Variants in SAMTOR observed in about 807,000 individuals in gnomAD.
SAMTOR encodes UPF0532 protein C7orf60.
chr7:112,912,903 A>G, the SAMTOR span, among the ~76,000 whole-genome samples: 2 of 152,182 alleles, frequency 1.3e-5, no homozygotes, highest in Non-Finnish European at 1.5e-5. Flanking sequence ...CAATAAGAAT[A>G]CTACCTATCA....
the SAMTOR span, among the ~76,000 whole-genome samples, chr7:112,921,429 C>T: frequency 6.6e-6 from 1 of 151,332 alleles, no homozygotes; most frequent in Non-Finnish European, 1.5e-5. Context: ...TTCCTTACAC[C>T]TTATACAAAA....
chr7:112,895,605 G>A, the SAMTOR span: 4 of 1,577,792 alleles, frequency 2.5e-6, no homozygotes, highest in Non-Finnish European at 3.5e-6. Flanking sequence ...GCTGAGGTTG[G>A]TTAAATGACC....
the SAMTOR span, among the ~76,000 whole-genome samples, chr7:112,853,577 T>A: frequency 1.3e-5 from 2 of 152,124 alleles, no homozygotes; most frequent in Non-Finnish European, 2.9e-5. Context: ...CTAAGTAAGC[T>A]TTTTTTGCTT....
the SAMTOR span, among the ~76,000 whole-genome samples, chr7:112,925,428 A>T: frequency 6.6e-6 from 1 of 152,208 alleles, no homozygotes; most frequent in Non-Finnish European, 1.5e-5. Flanking sequence ...CTATGATAAC[A>T]TATACCTGGG....
the SAMTOR span, among the ~76,000 whole-genome samples, chr7:112,884,285 T>G: frequency 6.6e-6 from 1 of 152,162 alleles, no homozygotes; most frequent in African/African-American, 2.4e-5. Context: ...CCAAATGTCA[T>G]GTCCTCACAT....
the SAMTOR span, among the ~76,000 whole-genome samples, chr7:112,834,858 A>T: frequency 3.3e-5 from 5 of 152,214 alleles, no homozygotes; most frequent in East Asian, 9.6e-4. Flanking sequence ...ATCATCTCAC[A>T]TCATAAGGGT....
At chr7:112,857,079 CTTTT>C in the SAMTOR span, among the ~76,000 whole-genome samples, 1 of 105,782 alleles carries the variant, frequency 9.5e-6, no homozygotes, top group Non-Finnish European at 1.8e-5. Flanking sequence ...TTCTTTTAAT[CTTTT>C]TTTTTTTTTT....
the SAMTOR span, among the ~76,000 whole-genome samples, chr7:112,888,641 T>C: frequency 6.6e-6 from 1 of 152,178 alleles, no homozygotes; most frequent in East Asian, 1.9e-4. Flanking sequence ...TGCAAAAAAG[T>C]ATATCTTTAC....
the SAMTOR span, among the ~76,000 whole-genome samples, chr7:112,890,951 A>G: frequency 6.6e-5 from 10 of 152,186 alleles, no homozygotes; most frequent in African/African-American, 2.4e-4. Flanking sequence ...TGGCCTCTCA[A>G]AGTGCTGGGA....
the SAMTOR span, among the ~76,000 whole-genome samples, chr7:112,905,263 G>C: frequency 2.6e-5 from 4 of 152,114 alleles, no homozygotes; most frequent in Non-Finnish European, 5.9e-5. Flanking sequence ...TTATAGCCCT[G>C]CATGGTGCAG....
the SAMTOR span, among the ~76,000 whole-genome samples, chr7:112,928,959 A>G: frequency 4.6e-5 from 7 of 151,922 alleles, no homozygotes; most frequent in Non-Finnish European, 2.9e-5. Flanking sequence ...CCAAATAGAT[A>G]AAGAATTACT....
the SAMTOR span, among the ~76,000 whole-genome samples, chr7:112,830,997 T>C: frequency 1.3e-5 from 2 of 151,350 alleles, no homozygotes; most frequent in Non-Finnish European, 2.9e-5. Context: ...GATGGAGAGG[T>C]TCAAACCTAG....
the SAMTOR span, among the ~76,000 whole-genome samples, chr7:112,873,482 TA>T: frequency 6.6e-6 from 1 of 152,090 alleles, no homozygotes; most frequent in Non-Finnish European, 1.5e-5. Context: ...CCCTATTTAA[TA>T]AATGGTGCTG....
At chr7:112,932,722 G>A in the SAMTOR span, among the ~76,000 whole-genome samples, 1 of 152,184 alleles carries the variant, frequency 6.6e-6, no homozygotes, top group Non-Finnish European at 1.5e-5. Flanking sequence ...CACTTAGGTA[G>A]GGGCACTTAC....
chr7:112,859,143 T>C, the SAMTOR span, among the ~76,000 whole-genome samples: 1 of 152,168 alleles, frequency 6.6e-6, no homozygotes, highest in East Asian at 1.9e-4. Context: ...TCCATGGGTG[T>C]CCAGCCTACT....
chr7:112,915,938 ATCT>A, the SAMTOR span, among the ~76,000 whole-genome samples: 5 of 152,184 alleles, frequency 3.3e-5, no homozygotes, highest in African/African-American at 4.8e-5. Flanking sequence ...ATTGACTGTT[ATCT>A]TCTTGTATTT....
chr7:112,914,547 T>C, the SAMTOR span, among the ~76,000 whole-genome samples: 1 of 152,082 alleles, frequency 6.6e-6, no homozygotes, highest in African/African-American at 2.4e-5. Context: ...AAAATAAACA[T>C]TATCCAAAGT....
the SAMTOR span, among the ~76,000 whole-genome samples, chr7:112,826,555 A>T: frequency 2.0e-5 from 3 of 152,096 alleles, no homozygotes. Context: ...TATAAATTTT[A>T]TTCATCTACT....
At chr7:112,919,161 C>T in the SAMTOR span, among the ~76,000 whole-genome samples, 1 of 152,142 alleles carries the variant, frequency 6.6e-6, no homozygotes, top group South Asian at 2.1e-4. Context: ...TTCAGCACCA[C>T]ACCACACCTA....
Sources: allele counts gnomAD v4.1 joint callset (sites outside exome capture counted in the v4.1 genomes callset), GRCh38; gene constraint gnomAD v4.1.1; transcripts MANE v1.5; gene names NCBI Gene and HGNC (gene_info 2026-07-23, HGNC 2026-07-21).